The following IL16 variants were observed in gnomAD, a reference collection of about 807,000 sequenced individuals.
IL16 encodes the protein interleukin 16.
Under a neutral mutation model 110.1 loss-of-function variants are expected in IL16, and 67 were observed. That is an observed-to-expected ratio of 0.61 (90% CI 0.50 to 0.75). The LOEUF (loss-of-function observed/expected upper bound fraction) is 0.75. Among genes scored for constraint, IL16 ranks in the 30% least tolerant of loss-of-function variants. The pLI, the probability that IL16 is intolerant of heterozygous loss-of-function variation, is 0.00. For missense variants in IL16, 1,545 were observed against 1,655.0 expected (o/e 0.93, Z 1.15); for synonymous variants, 689 against 662.9 (o/e 1.04, Z -0.61).
At chr15:81,279,114 T>G (rs745762349) in intron 7 of IL16, among the ~76,000 whole-genome samples, 3 of 152,260 alleles carry the variant, frequency 2.0e-5, no homozygotes, top group Non-Finnish European at 2.9e-5. Context: ...TTTATAAAAT[T>G]GTTTTAAAAC....
At chr15:81,256,350 T>C (rs867241947) in intron 2 of IL16, among the ~76,000 whole-genome samples, 3 of 151,244 alleles carry the variant, frequency 2.0e-5, no homozygotes, top group African/African-American at 7.3e-5. Flanking sequence ...TTTTTTTTTT[T>C]TGAGACAGAG....
At chr15:81,203,631 T>C (rs1409203242) in intron 1 of IL16, among the ~76,000 whole-genome samples, 1 of 152,202 alleles carries the variant, frequency 6.6e-6, no homozygotes, top group Non-Finnish European at 1.5e-5. Flanking sequence ...CAGATAGTTG[T>C]AGATATGCGG....
Position 81,306,445 on chromosome 15 carries a change from G to A in IL16, c.3705G>A (p.Val1235=), listed in dbSNP as rs1406493012. ...ESTAEATVCT[V]TLEKMSAGLG... ...CAGCAGAGGCCACAGTCTGCACGGTGACACTGGAGAAGATGTCGGCAGGGC... is the reference window on the plus strand; with the variant it reads ...CAGCAGAGGCCACAGTCTGCACGGTAACACTGGAGAAGATGTCGGCAGGGC... The change falls in exon 18 of 19, where the codon GTG becomes GTA. Residue 1235 remains valine, a synonymous_variant. Transcript: ENST00000683961. The A allele has an allele frequency of 6.2e-7, 1 of 1,614,026 alleles. No homozygotes were observed. The highest frequency in any genetic ancestry group is 8.5e-7 in the Non-Finnish European group (1 of 1,180,042).
chr15:81,293,963 C>T (rs1376522668), intron 12 of IL16, among the ~76,000 whole-genome samples: 4 of 152,196 alleles, frequency 2.6e-5, no homozygotes, highest in African/African-American at 7.2e-5. Context: ...GTCACAGTTA[C>T]CCACTATGCA....
chr15:81,290,336 T>G, intron 10 of IL16, 117 bp from the exon 11 acceptor site: 2 of 610,502 alleles, frequency 3.3e-6, no homozygotes, highest in South Asian at 2.3e-5. Context: ...ATTTGCAGAG[T>G]GGGTTGAAAT....
intron 2 of IL16, among the ~76,000 whole-genome samples, chr15:81,234,430 T>A (rs1466141484): frequency 6.6e-6 from 1 of 152,142 alleles, no homozygotes; most frequent in African/African-American, 2.4e-5. Flanking sequence ...TTTACTTTTT[T>A]AATCATTAAA....
chr15:81,306,208 C>G, intron 17 of IL16, 42 bp downstream of exon 17: 1 of 1,595,176 alleles, frequency 6.3e-7, no homozygotes, highest in Non-Finnish European at 8.5e-7. Flanking sequence ...GGGCCACATC[C>G]TCTTTGGCCA....
chr15:81,248,848 G>C (rs1897666082), intron 2 of IL16, among the ~76,000 whole-genome samples: 1 of 150,672 alleles, frequency 6.6e-6, no homozygotes, highest in African/African-American at 2.4e-5. Context: ...AGCCTCCCAA[G>C]TGGCTGGGAT....
chr15:81,272,944 TAACCTCTGA>T (rs879398665), intron 5 of IL16, 137 bp from the exon 6 acceptor site: 87,830 of 545,062 alleles, frequency 0.16, 5,539 homozygotes, highest in Middle Eastern at 0.19. Flanking sequence ...TTGTTGTTGT[TAACCTCTGA>T]GACCTCTGAG....
rs17875551 is a variant in IL16 at position 81,308,203 on chromosome 15, T to G, written c.3806-402T>G. On this transcript the variant is annotated intron_variant, in intron 18 of 18. Coordinates refer to ENST00000683961, the MANE Select transcript of IL16 (RefSeq NM_172217.5). ...GCTCTCTTCCCATACCACCCAATGC[T>G]GATGTCCTCACCACATGCGGAGAAC... is the stretch of plus-strand genomic sequence containing the variant. Among the ~76,000 whole-genome samples the G allele has an allele frequency of 2.7e-3, 409 of 152,322 alleles. 6 individuals are homozygous for G. Among genetic ancestry groups the G allele is most frequent in the Admixed American group, 0.024 (361 of 15,300 alleles).
At chr15:81,206,025 A>G (rs1298513449) in intron 1 of IL16, among the ~76,000 whole-genome samples, 1 of 152,358 alleles carries the variant, frequency 6.6e-6, no homozygotes, top group South Asian at 2.1e-4. Flanking sequence ...AAAATTAGAG[A>G]TATACTCCAA....
chr15:81,309,466 C>G lies in IL16; in HGVS notation c.*668C>G, dbSNP rs1032666764. Reference sequence around the variant, plus strand: ...TGTAGAAGCTGCATCTTGTTTATACCTTTGCCTTGGAAGTTGCATGGCATC... The same window carrying G: ...TGTAGAAGCTGCATCTTGTTTATACGTTTGCCTTGGAAGTTGCATGGCATC... On this transcript the variant is annotated 3_prime_UTR_variant, in exon 19 of 19. Transcript: ENST00000683961. The G allele has an allele frequency of 2.0e-5, 3 of 152,528 alleles. No homozygotes were observed. Among genetic ancestry groups the G allele is most frequent in the African/African-American group, 7.2e-5 (3 of 41,450 alleles). The allele number at this position is 152,528 out of a possible 1,614,324, so 9.4% of individuals were successfully genotyped here.
intron 1 of IL16, among the ~76,000 whole-genome samples, chr15:81,218,611 G>A (rs1169511108): frequency 6.6e-6 from 1 of 152,100 alleles, no homozygotes; most frequent in Non-Finnish European, 1.5e-5. Context: ...TCAAGTGTAG[G>A]AAATTACGCA....
intron 1 of IL16, among the ~76,000 whole-genome samples, chr15:81,221,016 G>C (rs1272913437): frequency 6.6e-6 from 1 of 151,910 alleles, no homozygotes; most frequent in African/African-American, 2.4e-5. Flanking sequence ...TAACTATGAT[G>C]ATGAGTCAGT....
intron 12 of IL16, among the ~76,000 whole-genome samples, chr15:81,296,319 C>A (rs1899981307): frequency 6.6e-6 from 1 of 152,144 alleles, no homozygotes; most frequent in Admixed American, 6.5e-5. Context: ...TTGGGAGGAC[C>A]CCAAGGCTGC....
At chr15:81,274,021 C>T (rs1406892750) in intron 6 of IL16, among the ~76,000 whole-genome samples, 17 of 150,688 alleles carry the variant, frequency 1.1e-4, no homozygotes, top group Non-Finnish European at 4.4e-5. Context: ...AGGCAAAGTT[C>T]AGGGGCTGGA....
intron 1 of IL16, among the ~76,000 whole-genome samples, chr15:81,207,252 A>AC (rs1481313684): frequency 1.3e-5 from 2 of 151,588 alleles, no homozygotes; most frequent in Non-Finnish European, 2.9e-5. Context: ...AAAACAAAAA[A>AC]AAAAAAAAAC....
In IL16 at chr15:81,201,049, GAGAACA is replaced by G. The variant is rs944681469; in HGVS notation, c.-102+3898_-102+3903del. Among the ~76,000 whole-genome samples, 9 of 152,274 alleles carry G rather than the reference GAGAACA, an allele frequency of 5.9e-5. No individual in the cohort carries two copies. In the East Asian group the frequency reaches 1.4e-3, roughly 23 times the overall value. On this transcript the variant is annotated intron_variant, in intron 1 of 18. Coordinates refer to ENST00000683961, the MANE Select transcript of IL16 (RefSeq NM_172217.5). ...GCCAGAGAATCCTGCAGCAGTTGCT[GAGAACA>G]CAGGATACCTGTCACATTTACTGAA...
chr15:81,209,692 G>A (rs1595949516), intron 1 of IL16, among the ~76,000 whole-genome samples: 1 of 152,174 alleles, frequency 6.6e-6, no homozygotes, highest in Admixed American at 6.5e-5. Context: ...GAAGCTCGGA[G>A]TACTCAATAG....
Sources: gnomAD v4.1 joint callset for allele counts (sites outside exome capture counted in the v4.1 genomes callset) on GRCh38, gnomAD v4.1.1 for gene constraint, MANE v1.5 for transcripts, NCBI Gene and HGNC (gene_info 2026-07-23, HGNC 2026-07-21) for gene names.